PTPRD: variants seen among roughly 807,000 people sequenced by gnomAD.
The protein encoded by PTPRD is receptor-type tyrosine-protein phosphatase delta.
Under a neutral mutation model 214.5 loss-of-function variants are expected in PTPRD, and 34 were observed. The observed-to-expected ratio is 0.16, with a 90% CI of 0.12 to 0.21. PTPRD has a LOEUF of 0.21. PTPRD is among the 10% of genes least tolerant of loss of function. PTPRD has a pLI of 1.00. For missense variants in PTPRD, 2,545 were observed against 2,398.7 expected (o/e 1.06, Z -1.27); for synonymous variants, 1,128 against 845.7 (o/e 1.33, Z -5.79).
At chr9:8,563,555 G>C (rs2087411315) in intron 14 of PTPRD, among the ~76,000 whole-genome samples, 3 of 150,840 alleles carry the variant, frequency 2.0e-5, no homozygotes, top group South Asian at 2.1e-4. Context: ...TCCTGCCTCA[G>C]CCTCCTGAGT....
chr9:10,096,376 T>C (rs1159612390), intron 3 of PTPRD, among the ~76,000 whole-genome samples: 1 of 151,878 alleles, frequency 6.6e-6, no homozygotes, highest in African/African-American at 2.4e-5. Context: ...AAAATGCTAC[T>C]TCTCCACATC....
intron 3 of PTPRD, among the ~76,000 whole-genome samples, chr9:10,103,267 A>T (rs1038841206): frequency 1.3e-5 from 2 of 150,916 alleles, no homozygotes; most frequent in African/African-American, 2.4e-5. Context: ...TTCCCTTTTC[A>T]TAACTATCTA....
chr9:10,077,253 T>C (rs867570180), intron 3 of PTPRD, among the ~76,000 whole-genome samples: 10 of 152,152 alleles, frequency 6.6e-5, no homozygotes, highest in Non-Finnish European at 1.5e-4. Flanking sequence ...CCATTATCCC[T>C]AACATCCACA....
chr9:9,971,541 T>C (rs1422433383), intron 4 of PTPRD, among the ~76,000 whole-genome samples: 1 of 152,218 alleles, frequency 6.6e-6, no homozygotes, highest in Non-Finnish European at 1.5e-5. Context: ...GAATTCAGGC[T>C]TAGAAACTAA....
intron 2 of PTPRD, among the ~76,000 whole-genome samples, chr9:10,478,485 T>A (rs2099077257): frequency 6.6e-6 from 1 of 152,136 alleles, no homozygotes; most frequent in Non-Finnish European, 1.5e-5. Context: ...ATTAGACTCC[T>A]GCCTAGAAGA....
At chr9:8,781,528 A>G (rs2095697567) in intron 11 of PTPRD, among the ~76,000 whole-genome samples, 1 of 152,240 alleles carries the variant, frequency 6.6e-6, no homozygotes, top group South Asian at 2.1e-4. Context: ...TCATTAGTAT[A>G]GGAAAACAGG....
chr9:9,798,243 T>G (rs10977990), intron 5 of PTPRD, among the ~76,000 whole-genome samples: 1 of 152,044 alleles, frequency 6.6e-6, no homozygotes, highest in African/African-American at 2.4e-5. Context: ...CTGAGACATA[T>G]GTAATAAAAG....
At chr9:8,605,814 A>C (rs1292029018) in intron 14 of PTPRD, among the ~76,000 whole-genome samples, 2 of 152,074 alleles carry the variant, frequency 1.3e-5, no homozygotes, top group African/African-American at 4.8e-5. Context: ...TTGGCAACAT[A>C]AGCATACTCT....
chr9:9,842,120 T>C (rs1001791065), intron 5 of PTPRD, among the ~76,000 whole-genome samples: 1 of 151,950 alleles, frequency 6.6e-6, no homozygotes, highest in African/African-American at 2.4e-5. Flanking sequence ...TCATCTATAT[T>C]TTAAATCATG....
At chr9:8,963,524 TTTTG>T (rs889155136) in intron 11 of PTPRD, among the ~76,000 whole-genome samples, 4 of 152,172 alleles carry the variant, frequency 2.6e-5, no homozygotes, top group Admixed American at 6.5e-5. Context: ...ACCATATGGT[TTTTG>T]TTTTTTAATT....
chr9:9,330,990 G>C lies in PTPRD; in HGVS notation c.-203+66459C>G, dbSNP rs191894403. 4.0e-4 allele frequency among the ~76,000 whole-genome samples: 61 copies of C among 151,428 alleles called. 1 individual carries two copies. The South Asian group carries it at 6.2e-3, about 15-fold the overall frequency. ...GGAGCTAAATAAATGTTAATGAACA[G>C]AGTAAATCTGGTCATTTGGTTGCAT... On this transcript the variant is annotated intron_variant, in intron 9 of 45. Coordinates refer to ENST00000381196, the MANE Select transcript of PTPRD (RefSeq NM_002839.4).
At chr9:10,215,783 C>G (rs1284903292) in intron 3 of PTPRD, among the ~76,000 whole-genome samples, 1 of 151,838 alleles carries the variant, frequency 6.6e-6, no homozygotes, top group Non-Finnish European at 1.5e-5. Context: ...TTGAGGTATA[C>G]TTGTTTAATA....
At chr9:8,401,483 G>A (rs897893623) in intron 36 of PTPRD, among the ~76,000 whole-genome samples, 3 of 152,076 alleles carry the variant, frequency 2.0e-5, no homozygotes, top group Non-Finnish European at 4.4e-5. Context: ...TTTCCATACT[G>A]CTTACCCTAT....
chr9:8,357,530 A>G (rs1202038543), intron 39 of PTPRD, among the ~76,000 whole-genome samples: 4 of 152,324 alleles, frequency 2.6e-5, no homozygotes, highest in African/African-American at 9.6e-5. Flanking sequence ...CATTTGAGAC[A>G]AGCAATAGTT....
intron 10 of PTPRD, among the ~76,000 whole-genome samples, chr9:9,086,746 G>A (rs1004391316): frequency 6.6e-6 from 1 of 152,070 alleles, no homozygotes; most frequent in African/African-American, 2.4e-5. Flanking sequence ...CTGGATAAAA[G>A]CATCTGGTGT....
At chr9:10,523,139 G>C (rs772899926) in intron 2 of PTPRD, among the ~76,000 whole-genome samples, 3 of 151,878 alleles carry the variant, frequency 2.0e-5, no homozygotes, top group Non-Finnish European at 4.4e-5. Context: ...AGAGTGGTAG[G>C]TCTTGCCAAT....
At chr9:8,387,868 G>C (rs2087759337) in intron 37 of PTPRD, among the ~76,000 whole-genome samples, 1 of 152,182 alleles carries the variant, frequency 6.6e-6, no homozygotes, top group Non-Finnish European at 1.5e-5. Flanking sequence ...TCACTTGGGA[G>C]GGGAGTTGTT....
At chr9:10,451,044 C>G (rs985890723) in intron 2 of PTPRD, among the ~76,000 whole-genome samples, 2 of 151,956 alleles carry the variant, frequency 1.3e-5, no homozygotes, top group South Asian at 2.1e-4. Flanking sequence ...AATCTTGACA[C>G]TTTACTCAAG....
intron 5 of PTPRD, among the ~76,000 whole-genome samples, chr9:9,870,943 GGAGA>G (rs910700856): frequency 2.6e-5 from 4 of 151,912 alleles, no homozygotes; most frequent in Admixed American, 6.6e-5. Flanking sequence ...GCAAAGAGTT[GGAGA>G]GAGAAATAAA....
Sources: allele counts gnomAD v4.1 joint callset (sites outside exome capture counted in the v4.1 genomes callset), GRCh38; gene constraint gnomAD v4.1.1; transcripts MANE v1.5; gene names NCBI Gene and HGNC (gene_info 2026-07-23, HGNC 2026-07-21).